Variants in ZNF541 observed in about 807,000 individuals in gnomAD.
ZNF541 encodes the protein zinc finger protein 541.
Under a neutral mutation model 123.5 loss-of-function variants are expected in ZNF541, and 23 were observed. That is an observed-to-expected ratio of 0.19 (90% CI 0.13 to 0.26). The LOEUF (loss-of-function observed/expected upper bound fraction) is 0.26, where lower values mean the gene tolerates loss of function less well. Among genes scored for constraint, ZNF541 ranks in the 10% least tolerant of loss-of-function variants. ZNF541 has a pLI of 1.00. For synonymous variants in ZNF541, 751 were observed against 754.5 expected (o/e 1.00, Z 0.08); for missense variants, 1,612 against 1,789.9 (o/e 0.90, Z 1.79).
chr19:47,560,089 CTTT>C (rs916213803), intron 2 of ZNF541, among the ~76,000 whole-genome samples: 10 of 151,964 alleles, frequency 6.6e-5, no homozygotes, highest in African/African-American at 2.4e-4. Context: ...AAGATCTTGC[CTTT>C]TTTTGTACCT....
chr19:47,542,555 G>A (rs1970126972), intron 5 of ZNF541, among the ~76,000 whole-genome samples: 1 of 152,144 alleles, frequency 6.6e-6, no homozygotes, highest in African/African-American at 2.4e-5. Context: ...GGAAGGCCCA[G>A]GCAGGAGAAT....
At chr19:47,526,495 A>G (rs1969303609) in intron 14 of ZNF541, among the ~76,000 whole-genome samples, 1 of 147,400 alleles carries the variant, frequency 6.8e-6, no homozygotes, top group Non-Finnish European at 1.5e-5. Flanking sequence ...AAAAAAAAAA[A>G]AAAAAGAAAA....
chr19:47,564,466 G>T lies in ZNF541; in HGVS notation c.-99+7430C>A, dbSNP rs370575251. Among the ~76,000 whole-genome samples the T allele has an allele frequency of 6.6e-5, 10 of 152,122 alleles. No homozygotes were observed. In the East Asian group the frequency reaches 1.3e-3, roughly 20 times the overall value. ...AAAACTCTCTGCTAGCCCTTACGAG[G>T]CAGAGTTTATGGTCTCCTGCAACCC... On this transcript the variant is annotated intron_variant, in intron 2 of 16. Transcript: ENST00000391901.
chr19:47,567,065 A>T (rs911265898), intron 2 of ZNF541, among the ~76,000 whole-genome samples: 7 of 151,686 alleles, frequency 4.6e-5, no homozygotes, highest in African/African-American at 1.5e-4. Context: ...ATAAATAAAT[A>T]AATAAATAAA....
chr19:47,555,847 A>T lies in ZNF541; in HGVS notation c.10T>A (p.Tyr4Asn). MDQ[Y>N]SLGDEGALPS... The stretch of plus-strand genomic sequence containing the variant: ...AGGGCACCCTCGTCTCCAAGGCTGT[A>T]CTGGTCCATGGCTCTCCACTGCCAG... The change falls in exon 3 of 17, where the codon TAC becomes AAC. Residue 4 changes from tyrosine to asparagine, a missense_variant. Coordinates refer to ENST00000391901, the MANE Select transcript of ZNF541 (RefSeq NM_001277075.3). The T allele has an allele frequency of 1.3e-6, 2 of 1,550,162 alleles. No homozygotes were observed. Among genetic ancestry groups the T allele is most frequent in the South Asian group, 2.4e-5 (2 of 83,876 alleles).
In ZNF541 at chr19:47,526,740, T is replaced by G. The variant is rs140959522; in HGVS notation, c.3570+2210A>C. Among the ~76,000 whole-genome samples, 12 of 152,256 alleles carry G rather than the reference T, an allele frequency of 7.9e-5. No homozygotes were observed. The East Asian group carries it at 2.3e-3, about 29-fold the overall frequency. ...AAATCTCTTTTCCTGCCGGTAGGAATGTGAAATGATACAACTACTTTGGAA... is the reference window on the plus strand; with the variant it reads ...AAATCTCTTTTCCTGCCGGTAGGAAGGTGAAATGATACAACTACTTTGGAA... On this transcript the variant is annotated intron_variant, in intron 14 of 16. Transcript: ENST00000391901.
intron 5 of ZNF541, among the ~76,000 whole-genome samples, 167 bp downstream of exon 5, chr19:47,543,959 C>CT (rs78970456): frequency 0.02 from 3,000 of 146,342 alleles, 43 homozygotes; most frequent in Middle Eastern, 0.06. Context: ...TCATTCTGGT[C>CT]TTTTTTTTTT....
intron 2 of ZNF541, among the ~76,000 whole-genome samples, chr19:47,567,127 C>T (rs1971297342): frequency 6.6e-6 from 1 of 151,984 alleles, no homozygotes. Context: ...GCATCACTAT[C>T]CAAAAGCACT....
At chr19:47,569,600 C>A (rs1216393550) in intron 2 of ZNF541, among the ~76,000 whole-genome samples, 1 of 152,106 alleles carries the variant, frequency 6.6e-6, no homozygotes, top group Admixed American at 6.6e-5. Context: ...AGGTCATTCT[C>A]GCCTGTAATC....
chr19:47,569,819 C>T (rs1568528061), intron 2 of ZNF541, among the ~76,000 whole-genome samples: 1 of 151,882 alleles, frequency 6.6e-6, no homozygotes, highest in South Asian at 2.1e-4. Flanking sequence ...GTCGAGGCTC[C>T]AGTGAGCCAG....
chr19:47,551,009 T>G (rs1600041682), intron 3 of ZNF541, among the ~76,000 whole-genome samples: 1 of 152,144 alleles, frequency 6.6e-6, no homozygotes, highest in Admixed American at 6.6e-5. Context: ...TTTTCTACTT[T>G]TTAGATTGAC....
At chr19:47,566,100 C>T (rs1454226661) in intron 2 of ZNF541, among the ~76,000 whole-genome samples, 3 of 151,862 alleles carry the variant, frequency 2.0e-5, no homozygotes, top group Non-Finnish European at 4.4e-5. Context: ...TCTCTTGGAC[C>T]CGGGAGGCGG....
At chr19:47,557,354 C>T (rs1206431394) in intron 2 of ZNF541, among the ~76,000 whole-genome samples, 1 of 151,972 alleles carries the variant, frequency 6.6e-6, no homozygotes. Context: ...TAGAAAAGTA[C>T]CCCCAAGAAC....
chr19:47,544,283 G>A lies in ZNF541; in HGVS notation c.2246C>T (p.Pro749Leu). ...GAAGCCGGAGAATCGCGGGGCCCTG[G>A]GGTTGCCCAAGAGCCGGTAGCCTCC... ...RGGGYRLLGNPRAPRFSGFRK... is the reference protein window; with the variant it reads ...RGGGYRLLGNLRAPRFSGFRK... Residue 749 changes from proline to leucine, a missense_variant, in exon 5 of 17, where the codon CCC (proline) becomes CTC (leucine). By Grantham distance (98) the Pro-to-Leu change is moderately conservative (BLOSUM62 -3). Coordinates refer to ENST00000391901, the MANE Select transcript of ZNF541 (RefSeq NM_001277075.3). 1 of 1,551,600 alleles carries A rather than the reference G, an allele frequency of 6.4e-7. No individual in the cohort carries two copies. The highest frequency in any genetic ancestry group is 8.7e-7 in the Non-Finnish European group (1 of 1,147,010).
intron 8 of ZNF541, among the ~76,000 whole-genome samples, chr19:47,539,236 C>CTCAGTGAA (rs1215539849): frequency 2.6e-5 from 4 of 152,006 alleles, no homozygotes; most frequent in African/African-American, 9.6e-5. Context: ...CACAGAGGGG[C>CTCAGTGAA]TCAGTGAATG....
chr19:47,555,457 T>G, intron 3 of ZNF541, 93 bp downstream of exon 3: 1 of 1,327,130 alleles, frequency 7.5e-7, no homozygotes, highest in Non-Finnish European at 1.0e-6. Flanking sequence ...AGGGAAAAAT[T>G]TTCTTAACCA....
chr19:47,544,760 A>G lies in ZNF541; in HGVS notation c.1769T>C (p.Leu590Pro). 7.3e-6 allele frequency: 11 copies of G among 1,505,114 alleles called. No homozygotes were observed. Among genetic ancestry groups the G allele is most frequent in the Non-Finnish European group, 9.7e-6 (11 of 1,129,508 alleles). 93.2% of individuals were successfully genotyped at this position (1,505,114 alleles called of 1,614,324 possible). A position where few individuals can be genotyped will look rare whatever the true frequency, so the allele number is the denominator to read the frequency against. ...LPAPEGKPAA[L>P]RPLQGPWPQQ... is the part of the protein sequence containing the mutation. ...CGGCCACGGCCCCTGCAGCGGCCTC[A>G]GGGCGGCTGGTTTGCCCTCGGGCGC... Residue 590 changes from leucine (L) to proline (P), a missense_variant, in exon 5 of 17, where the codon CTG (leucine) becomes CCG (proline). By Grantham distance (98) the Leu-to-Pro change is moderately conservative. Transcript: ENST00000391901.
At chr19:47,552,411 C>T (rs1970635629) in intron 3 of ZNF541, among the ~76,000 whole-genome samples, 1 of 152,144 alleles carries the variant, frequency 6.6e-6, no homozygotes, top group East Asian at 1.9e-4. Context: ...TGGCCTTTGT[C>T]TTTGTCCTCT....
At position 47,521,038 on chromosome 19, in the gene ZNF541, T is replaced by C. The variant is rs575525960; in HGVS notation, c.*186A>G. ...CCAGCACCACCGGACAGGGACTGCA[T>C]AGCTGTCCGACAACTGAGCTCCTCC... is the stretch of plus-strand genomic sequence containing the variant. On this transcript the variant is annotated 3_prime_UTR_variant, in exon 17 of 17. Coordinates refer to ENST00000391901, the MANE Select transcript of ZNF541 (RefSeq NM_001277075.3). The surrounding 1 kb of genome is among the most constrained non-coding windows in gnomAD (Gnocchi z 4.2). 7.5e-6 allele frequency: 5 copies of C among 662,282 alleles called. No homozygotes were observed. The highest frequency in any genetic ancestry group is 5.5e-5 in the East Asian group (2 of 36,272). 41.0% of individuals were successfully genotyped at this position (662,282 alleles called of 1,614,324 possible).
Sources: allele counts gnomAD v4.1 joint callset (sites outside exome capture counted in the v4.1 genomes callset), GRCh38; gene constraint gnomAD v4.1.1; non-coding constraint Gnocchi (gnomAD v3.1); transcripts MANE v1.5; gene names NCBI Gene and HGNC (gene_info 2026-07-23, HGNC 2026-07-21).